Variants in ACTR3B observed in about 807,000 individuals in gnomAD.
ACTR3B encodes the protein actin related protein 3B.
ACTR3B carries 8 observed loss-of-function variants against 59.0 expected under a neutral mutation model. The ratio of observed to expected loss-of-function variants is 0.14; its 90% confidence interval spans 0.08 to 0.24. The LOEUF (loss-of-function observed/expected upper bound fraction) is 0.24. ACTR3B is among the 10% of genes least tolerant of loss of function. The pLI, the probability that ACTR3B is intolerant of heterozygous loss-of-function variation, is 1.00. For missense variants in ACTR3B, 245 were observed against 552.3 expected (o/e 0.44, Z 5.58); for synonymous variants, 148 against 197.9 (o/e 0.75, Z 2.12).
Position 152,815,767 on chromosome 7 carries a change from T to C in ACTR3B, c.433-714T>C, listed in dbSNP as rs547508218. On this transcript the variant is annotated intron_variant, in intron 5 of 11. Transcript: ENST00000256001. ...AAAAATTACCCTGTACCTTCCAGATTAGAATTTCTGGGTGTGAGGCCTAGT... is the reference window on the plus strand; with the variant it reads ...AAAAATTACCCTGTACCTTCCAGATCAGAATTTCTGGGTGTGAGGCCTAGT... Among the ~76,000 whole-genome samples, 202 of 152,326 alleles carry C rather than the reference T, an allele frequency of 1.3e-3. 1 individual carries two copies. Among genetic ancestry groups the C allele is most frequent in the African/African-American group, 4.5e-3 (187 of 41,592 alleles).
chr7:152,809,836 C>T (rs1371109187), intron 4 of ACTR3B, among the ~76,000 whole-genome samples: 1 of 152,064 alleles, frequency 6.6e-6, no homozygotes, highest in Non-Finnish European at 1.5e-5. Flanking sequence ...CCACTGCGCC[C>T]AGCTAGCACA....
chr7:152,767,222 G>C (rs1001540396), intron 1 of ACTR3B, among the ~76,000 whole-genome samples: 3 of 151,950 alleles, frequency 2.0e-5, no homozygotes, highest in African/African-American at 7.3e-5. Context: ...GGCTATGGCT[G>C]TCCTGTTTAT....
intron 2 of ACTR3B, among the ~76,000 whole-genome samples, chr7:152,796,860 G>GTTTTTTTTTTTTTTTTT (rs779909545): frequency 1.8e-5 from 1 of 54,738 alleles, no homozygotes; most frequent in African/African-American, 6.9e-5. Flanking sequence ...TAGTTTTTGT[G>GTTTTTTTTTTTTTTTTT]TTTTTTTTTT....
intron 2 of ACTR3B, among the ~76,000 whole-genome samples, chr7:152,796,120 C>G (rs1192568224): frequency 6.6e-6 from 1 of 152,230 alleles, no homozygotes; most frequent in Non-Finnish European, 1.5e-5. Flanking sequence ...GCTGGGATAA[C>G]AGGCGTGAGC....
chr7:152,827,631 C>T (rs1246127874), intron 9 of ACTR3B, among the ~76,000 whole-genome samples: 3 of 151,074 alleles, frequency 2.0e-5, no homozygotes, highest in Non-Finnish European at 3.0e-5. Flanking sequence ...GAACACATCG[C>T]CTCAGGTCCC....
At chr7:152,818,564 C>T (rs1207508459) in intron 6 of ACTR3B, among the ~76,000 whole-genome samples, 1 of 152,170 alleles carries the variant, frequency 6.6e-6, no homozygotes, top group African/African-American at 2.4e-5. Context: ...GATTCTCCTG[C>T]CTCGGCCTCC....
At chr7:152,827,275 C>T (rs914309326) in intron 9 of ACTR3B, among the ~76,000 whole-genome samples, 6 of 151,752 alleles carry the variant, frequency 4.0e-5, no homozygotes, top group African/African-American at 1.5e-4. Flanking sequence ...CCTGTCTTCC[C>T]TCAGCCGTCT....
chr7:152,851,643 G>C (rs549902834), intron 9 of ACTR3B, among the ~76,000 whole-genome samples: 2 of 152,228 alleles, frequency 1.3e-5, no homozygotes, highest in Non-Finnish European at 2.9e-5. Flanking sequence ...GGGCAGTGCT[G>C]GCTGGGTGGC....
At chr7:152,800,927 A>G (rs1251882412) in intron 3 of ACTR3B, among the ~76,000 whole-genome samples, 1 of 152,270 alleles carries the variant, frequency 6.6e-6, no homozygotes, top group East Asian at 1.9e-4. Flanking sequence ...AAAATTGTTG[A>G]CAGGTTGACT....
At chr7:152,769,871 A>T (rs1478096736) in intron 1 of ACTR3B, among the ~76,000 whole-genome samples, 1 of 46,382 alleles carries the variant, frequency 2.2e-5, no homozygotes, top group African/African-American at 7.2e-5. Context: ...CTGATTTGTA[A>T]AAAAAAAAAA....
At chr7:152,775,195 A>G (rs1240073830) in intron 1 of ACTR3B, among the ~76,000 whole-genome samples, 1 of 150,552 alleles carries the variant, frequency 6.6e-6, no homozygotes, top group Non-Finnish European at 1.5e-5. Flanking sequence ...TGTCTCAAAA[A>G]AAAAAAAAAA....
At chr7:152,804,805 G>T (rs2098247464) in intron 4 of ACTR3B, among the ~76,000 whole-genome samples, 1 of 152,182 alleles carries the variant, frequency 6.6e-6, no homozygotes, top group African/African-American at 2.4e-5. Context: ...AGTATGGTGT[G>T]TGGAAGCACG....
intron 1 of ACTR3B, among the ~76,000 whole-genome samples, chr7:152,774,317 G>A (rs1265926139): frequency 6.6e-6 from 1 of 152,166 alleles, no homozygotes; most frequent in Non-Finnish European, 1.5e-5. Flanking sequence ...TGTATTTTTA[G>A]TAGAGATGGG....
At chr7:152,819,107 G>A (rs1795948050) in intron 6 of ACTR3B, among the ~76,000 whole-genome samples, 1 of 152,064 alleles carries the variant, frequency 6.6e-6, no homozygotes, top group Admixed American at 6.6e-5. Flanking sequence ...TTATTTTTAT[G>A]GGTTTAAGTT....
At chr7:152,803,523 AGCT>A (rs545277206) in intron 4 of ACTR3B, among the ~76,000 whole-genome samples, 106 of 152,330 alleles carry the variant, frequency 7.0e-4, no homozygotes, top group Admixed American at 2.0e-3. Flanking sequence ...CACCGAGCCC[AGCT>A]GCTTCCTTCT....
In ACTR3B at chr7:152,823,958, C is replaced by A. The variant is rs1796383055; in HGVS notation, c.858+443C>A. 2.0e-5 allele frequency among the ~76,000 whole-genome samples: 3 copies of A among 152,156 alleles called. No homozygotes were observed. The South Asian group carries it at 6.2e-4, about 32-fold the overall frequency. On this transcript the variant is annotated intron_variant, in intron 8 of 11. Coordinates refer to ENST00000256001, the MANE Select transcript of ACTR3B (RefSeq NM_020445.6). ...ACAGTTGGTCCTGCTCTATTCCCTG[C>A]TGCAAGTTAGGTAAAGCTTCTGTCT...
At chr7:152,853,824 C>A (rs936703504) in intron 11 of ACTR3B, among the ~76,000 whole-genome samples, 6 of 152,134 alleles carry the variant, frequency 3.9e-5, no homozygotes, top group African/African-American at 1.4e-4. Flanking sequence ...TTAAGCAATT[C>A]TCCAGCCTCA....
intron 9 of ACTR3B, among the ~76,000 whole-genome samples, chr7:152,831,575 T>G (rs1438632352): frequency 3.9e-5 from 6 of 152,254 alleles, no homozygotes; most frequent in Admixed American, 6.5e-5. Flanking sequence ...TTGCCATATG[T>G]GGCTGATGGC....
In ACTR3B at chr7:152,849,041, T is replaced by C. The variant is rs150448229; in HGVS notation, c.952-3085T>C. ...GCCCAGTGACCTCATGGTCTCCCTG[T>C]GGCGAGGGGCGTCAGGGGGCTGCCT... On this transcript the variant is annotated intron_variant, in intron 9 of 11. Coordinates refer to ENST00000256001, the MANE Select transcript of ACTR3B (RefSeq NM_020445.6). Among the ~76,000 whole-genome samples the C allele has an allele frequency of 1.3e-3, 192 of 152,302 alleles. 1 individual carries two copies. The highest frequency in any genetic ancestry group is 2.2e-3 in the Non-Finnish European group (153 of 68,022).
Sources: gnomAD v4.1 joint callset for allele counts (sites outside exome capture counted in the v4.1 genomes callset) on GRCh38, gnomAD v4.1.1 for gene constraint, MANE v1.5 for transcripts, NCBI Gene and HGNC (gene_info 2026-07-23, HGNC 2026-07-21) for gene names.